The following RARA variants were observed in gnomAD, a reference collection of about 807,000 sequenced individuals.
The protein encoded by RARA is retinoic acid receptor alpha, also known as PML-DDX5-RARA fusion.
Under a neutral mutation model 42.8 loss-of-function variants are expected in RARA, and 5 were observed. The ratio of observed to expected loss-of-function variants is 0.12; its 90% confidence interval spans 0.06 to 0.25. RARA has a LOEUF of 0.25. Ranked by LOEUF, RARA falls within the 10% of genes least tolerant of loss-of-function variation. The pLI, the probability that RARA is intolerant of heterozygous loss-of-function variation, is 1.00. For missense variants in RARA, 402 were observed against 628.7 expected (o/e 0.64, Z 3.86); for synonymous variants, 256 against 259.5 (o/e 0.99, Z 0.13).
intron 1 of RARA, among the ~76,000 whole-genome samples, chr17:40,319,820 G>A (rs2033323702): frequency 6.6e-6 from 1 of 152,054 alleles, no homozygotes; most frequent in Non-Finnish European, 1.5e-5. Flanking sequence ...CCCTGGAGGG[G>A]GCCGGGGGGG....
At chr17:40,337,058 A>C (rs1468054200) in intron 2 of RARA, among the ~76,000 whole-genome samples, 1 of 152,168 alleles carries the variant, frequency 6.6e-6, no homozygotes, top group Admixed American at 6.5e-5. Flanking sequence ...TCTATAGAGC[A>C]CCTACTGTGT....
chr17:40,331,977 G>C (rs1025860575), intron 2 of RARA, among the ~76,000 whole-genome samples: 3 of 152,176 alleles, frequency 2.0e-5, no homozygotes, highest in African/African-American at 7.2e-5. Context: ...TGGATAGGGT[G>C]AGTGTCCCAG....
At chr17:40,339,885 C>T (rs745451188) in intron 2 of RARA, among the ~76,000 whole-genome samples, 3 of 152,118 alleles carry the variant, frequency 2.0e-5, no homozygotes, top group Non-Finnish European at 4.4e-5. Context: ...TGAAAGATCC[C>T]GAAGGCATGG....
intron 2 of RARA, among the ~76,000 whole-genome samples, chr17:40,338,976 C>A (rs1406194579): frequency 6.6e-6 from 1 of 152,152 alleles, no homozygotes; most frequent in Non-Finnish European, 1.5e-5. Flanking sequence ...TGAGATCACA[C>A]CACTGCACTC....
intron 2 of RARA, among the ~76,000 whole-genome samples, chr17:40,337,742 G>A (rs957045362): frequency 6.6e-6 from 1 of 152,256 alleles, no homozygotes; most frequent in African/African-American, 2.4e-5. Context: ...ACTGGGGAAT[G>A]CCCGAGGGTC....
At chr17:40,329,672 C>T (rs1265670289) in intron 1 of RARA, among the ~76,000 whole-genome samples, 1 of 152,054 alleles carries the variant, frequency 6.6e-6, no homozygotes, top group Non-Finnish European at 1.5e-5. Context: ...CCAGGCTGGT[C>T]TTGAACTCCT....
chr17:40,356,372 G>A lies in RARA; in HGVS notation c.*146G>A, dbSNP rs559919766. 56 of 925,612 alleles carry A rather than the reference G, an allele frequency of 6.1e-5. No individual in the cohort carries two copies. Among genetic ancestry groups the A allele is most frequent in the African/African-American group, 5.7e-4 (35 of 61,448 alleles). 57.3% of individuals were successfully genotyped at this position (925,612 alleles called of 1,614,324 possible). On this transcript the variant is annotated 3_prime_UTR_variant, in exon 9 of 9. Coordinates refer to ENST00000254066, the MANE Select transcript of RARA (RefSeq NM_000964.4). ...CCTTCCCTGGGGGACGGGGAGGGAG[G>A]AGGCAGCGACTCCTTGGACAGAGGC...
chr17:40,339,715 A>G (rs567894341), intron 2 of RARA, among the ~76,000 whole-genome samples: 4 of 151,202 alleles, frequency 2.6e-5, no homozygotes, highest in African/African-American at 9.7e-5. Context: ...TTTTAACAAC[A>G]CTCATCTCGC....
chr17:40,309,759 G>A (rs2033060651), intron 1 of RARA, among the ~76,000 whole-genome samples: 1 of 152,156 alleles, frequency 6.6e-6, no homozygotes, highest in South Asian at 2.1e-4. Flanking sequence ...CACCTTGTAG[G>A]GGAACTAATG....
chr17:40,342,043 T>G (rs1011276666), intron 2 of RARA: 2 of 1,057,082 alleles, frequency 1.9e-6, no homozygotes, highest in Admixed American at 5.5e-5. Context: ...TTTCTCCCGC[T>G]GCAGCCGGAC....
At chr17:40,341,900 C>T (rs1445084321) in intron 2 of RARA, 4 of 1,069,354 alleles carry the variant, frequency 3.7e-6, no homozygotes, top group Non-Finnish European at 4.8e-6. Context: ...TCCCTGTACT[C>T]GGCGTCCCTC....
At chr17:40,349,987 A>AC in intron 4 of RARA, 62 bp downstream of exon 4, 1 of 1,592,640 alleles carries the variant, frequency 6.3e-7, no homozygotes, top group Non-Finnish European at 8.6e-7. Context: ...GCTCCTAAAG[A>AC]CCAAGGGAGC....
Position 40,351,032 on chromosome 17 carries a change from G to A in RARA, c.470-878G>A, listed in dbSNP as rs986930921. 5.9e-5 allele frequency among the ~76,000 whole-genome samples: 9 copies of A among 151,308 alleles called. No homozygotes were observed. Among genetic ancestry groups the A allele is most frequent in the Admixed American group, 1.3e-4 (2 of 15,214 alleles). On this transcript the variant is annotated intron_variant, in intron 4 of 8. Coordinates refer to ENST00000254066, the MANE Select transcript of RARA (RefSeq NM_000964.4). The surrounding 1 kb of genome is among the most constrained non-coding windows in gnomAD (Gnocchi z 4.1). ...CCCTCTCCCGGCTGCTCTGTGCCCC[G>A]GAGCTGAGCAGCTGCCATTTCAATA...
Position 40,352,493 on chromosome 17 carries a change from T to C in RARA, c.793T>C (p.Cys265Arg). ...ADQITLLKAA[C>R]LDILILRICT... ...CCAGATCACCCTCCTCAAGGCTGCC[T>C]GCCTGGACATCCTGGTGAGGGTCTG... The change falls in exon 6 of 9, where the codon TGC becomes CGC. Residue 265 changes from cysteine (C) to arginine (R), a missense_variant. This residue lies in a region of RARA where 130 missense variants were observed against 267.9 expected (regional missense o/e 0.49). Coordinates refer to ENST00000254066, the MANE Select transcript of RARA (RefSeq NM_000964.4). This position sits in a 1 kb window ranked among gnomAD's most constrained non-coding sequence, Gnocchi z 4.9. The C allele has an allele frequency of 6.2e-7, 1 of 1,607,926 alleles. No homozygotes were observed. The highest frequency in any genetic ancestry group is 8.5e-7 in the Non-Finnish European group (1 of 1,176,486).
At chr17:40,334,980 T>G (rs1304570605) in intron 2 of RARA, among the ~76,000 whole-genome samples, 3 of 152,146 alleles carry the variant, frequency 2.0e-5, no homozygotes, top group Non-Finnish European at 2.9e-5. Context: ...AACTGGCCCC[T>G]GGGGCTTGGT....
chr17:40,355,553 C>G lies in RARA; in HGVS notation c.1171+132C>G. 1 of 1,274,228 alleles carries G rather than the reference C, an allele frequency of 7.8e-7. No individual in the cohort carries two copies. The highest frequency in any genetic ancestry group is 1.1e-6 in the Non-Finnish European group (1 of 940,978). The allele number at this position is 1,274,228 out of a possible 1,614,324, so 78.9% of individuals were successfully genotyped here. A position where few individuals can be genotyped will look rare whatever the true frequency, so the allele number is the denominator to read the frequency against. ...CCCCATCTGTGTCTAGGCTGAGGTC[C>G]CCTAGTGACTCCACTTTGCCGAGGT... is the stretch of plus-strand genomic sequence containing the variant. On this transcript the variant is annotated intron_variant, in intron 8 of 8. Transcript: ENST00000254066. The surrounding 1 kb of genome is among the most constrained non-coding windows in gnomAD (Gnocchi z 4.1).
At chr17:40,347,475 T>G (rs1211312253) in intron 2 of RARA, among the ~76,000 whole-genome samples, 3 of 152,164 alleles carry the variant, frequency 2.0e-5, no homozygotes, top group African/African-American at 7.2e-5. Flanking sequence ...CAGTGAGGGC[T>G]GCCCCTGCTG....
At chr17:40,350,028 GAA>G in intron 4 of RARA, 103 bp downstream of exon 4, 1 of 1,503,340 alleles carries the variant, frequency 6.7e-7, no homozygotes, top group Non-Finnish European at 9.0e-7. Flanking sequence ...GCACATGCAT[GAA>G]CACGCATGCC....
intron 3 of RARA, chr17:40,349,099 C>T (rs2034363306): frequency 6.4e-6 from 1 of 155,186 alleles, no homozygotes; most frequent in South Asian, 2.0e-4. Context: ...CTGGGCTGCT[C>T]TTCAGCCTGG....
Sources: gnomAD v4.1 joint callset for allele counts (sites outside exome capture counted in the v4.1 genomes callset) on GRCh38, gnomAD v4.1.1 for gene constraint, gnomAD v4.1.1 regional missense constraint, Gnocchi (gnomAD v3.1) non-coding constraint, MANE v1.5 for transcripts, NCBI Gene and HGNC (gene_info 2026-07-23, HGNC 2026-07-21) for gene names.